KLF8: variants seen among roughly 807,000 people sequenced by gnomAD.
The protein encoded by KLF8 is KLF transcription factor 8, also known as Krueppel-like factor 8.
In KLF8, 10 loss-of-function variants were observed where a neutral mutation model predicts 18.2. The ratio of observed to expected loss-of-function variants is 0.55; its 90% CI spans 0.34 to 0.93. The LOEUF (loss-of-function observed/expected upper bound fraction) is 0.93. Ranked by LOEUF, KLF8 falls within the 40% of genes least tolerant of loss-of-function variation. The pLI is 0.02. For missense variants in KLF8, 264 were observed against 277.9 expected, an observed-to-expected ratio of 0.95 and a Z score of 0.36; for synonymous variants, 109 against 97.3, an observed-to-expected ratio of 1.12 and a Z score of -0.71.
At chrX:56,161,127 T>A in the KLF8 span, among the ~76,000 whole-genome samples, 1 of 111,628 alleles carries the variant, frequency 9.0e-6, no homozygotes, top group African/African-American at 3.3e-5. Context: ...TGTAAAGTAT[T>A]TTATGTCTCC....
the KLF8 span, among the ~76,000 whole-genome samples, chrX:55,926,276 G>A: frequency 3.6e-5 from 4 of 111,505 alleles, no homozygotes; most frequent in Non-Finnish European, 5.7e-5. Context: ...GAGGAAAGCC[G>A]TAGGCACTAG....
the KLF8 span, among the ~76,000 whole-genome samples, chrX:56,208,354 A>T: frequency 9.0e-6 from 1 of 110,918 alleles, no homozygotes; most frequent in Non-Finnish European, 1.9e-5. Flanking sequence ...GATTTTATTT[A>T]TTTGGGTCTT....
At chrX:56,185,398 T>C in the KLF8 span, among the ~76,000 whole-genome samples, 222 of 112,154 alleles carry the variant, frequency 2.0e-3, 2 homozygotes, top group Middle Eastern at 4.6e-3. Context: ...CTACATCTGA[T>C]TGGTGTACCT....
At chrX:56,058,279 C>CATATATATATAT in the KLF8 span, among the ~76,000 whole-genome samples, 5 of 7,300 alleles carry the variant, frequency 6.8e-4, no homozygotes, top group Non-Finnish European at 1.1e-3. Flanking sequence ...CATATATATA[C>CATATATATATAT]ATATATATAT....
At chrX:55,926,799 G>A in the KLF8 span, among the ~76,000 whole-genome samples, 57,837 of 109,294 alleles carry the variant, frequency 0.53, 13,546 homozygotes, top group East Asian at 0.75. Flanking sequence ...TAACTCAAGG[G>A]CTAAAGAGAC....
chrX:56,068,154 C>T, the KLF8 span, among the ~76,000 whole-genome samples: 20 of 112,132 alleles, frequency 1.8e-4, no homozygotes, highest in Non-Finnish European at 3.0e-4. Flanking sequence ...CCACTGATAG[C>T]CAGAATGTCA....
the KLF8 span, among the ~76,000 whole-genome samples, chrX:56,028,567 T>G: frequency 2.7e-5 from 3 of 110,863 alleles, no homozygotes; most frequent in East Asian, 8.5e-4. Context: ...TGCTGTGGAG[T>G]GTCCTAGCAG....
chrX:56,052,246 T>C, the KLF8 span, among the ~76,000 whole-genome samples: 1 of 112,022 alleles, frequency 8.9e-6, no homozygotes, highest in Non-Finnish European at 1.9e-5. Context: ...AATTTGATCG[T>C]CTGAAGCCTT....
the KLF8 span, among the ~76,000 whole-genome samples, chrX:56,223,718 TA>T: frequency 1.8e-5 from 2 of 112,234 alleles, no homozygotes; most frequent in African/African-American, 6.5e-5. Flanking sequence ...TTATTATTAC[TA>T]AGCCAAATTT....
the KLF8 span, among the ~76,000 whole-genome samples, chrX:55,987,441 A>G: frequency 9.0e-6 from 1 of 110,759 alleles, no homozygotes; most frequent in African/African-American, 3.3e-5. Context: ...ATGAGGGAGA[A>G]CATGTGGTGT....
the KLF8 span, among the ~76,000 whole-genome samples, chrX:56,217,328 C>T: frequency 8.9e-6 from 1 of 111,808 alleles, no homozygotes; most frequent in Non-Finnish European, 1.9e-5. Context: ...AAATTAGAGG[C>T]TGATTGCTTC....
chrX:56,062,264 T>A, the KLF8 span, among the ~76,000 whole-genome samples: 1 of 111,285 alleles, frequency 9.0e-6, no homozygotes, highest in South Asian at 3.7e-4. Context: ...GTGTCAATGG[T>A]CTTTACAATT....
the KLF8 span, among the ~76,000 whole-genome samples, chrX:55,909,721 G>A: frequency 8.9e-6 from 1 of 112,499 alleles, no homozygotes; most frequent in African/African-American, 3.2e-5. Context: ...ATTCCAGCTA[G>A]AAGAAATAGG....
At chrX:56,037,925 T>C in the KLF8 span, among the ~76,000 whole-genome samples, 1 of 111,975 alleles carries the variant, frequency 8.9e-6, no homozygotes, top group South Asian at 3.7e-4. Flanking sequence ...TTATTTCTTC[T>C]AAATATTTTT....
the KLF8 span, among the ~76,000 whole-genome samples, chrX:55,928,501 T>C: frequency 9.0e-6 from 1 of 111,632 alleles, no homozygotes; most frequent in Non-Finnish European, 1.9e-5. Context: ...CTCCTACTGC[T>C]ATCCCTCCCC....
the KLF8 span, among the ~76,000 whole-genome samples, chrX:56,045,935 G>A: frequency 9.0e-6 from 1 of 111,533 alleles, no homozygotes; most frequent in African/African-American, 3.3e-5. Context: ...GTTCTCAGGG[G>A]GAATGCTTTC....
At chrX:56,208,448 T>C in the KLF8 span, among the ~76,000 whole-genome samples, 1 of 112,237 alleles carries the variant, frequency 8.9e-6, no homozygotes, top group Non-Finnish European at 1.9e-5. Flanking sequence ...CACTGCTTTT[T>C]TATGCTTTAA....
At chrX:56,011,714 C>T in the KLF8 span, among the ~76,000 whole-genome samples, 1 of 110,387 alleles carries the variant, frequency 9.1e-6, no homozygotes. Flanking sequence ...ACTAGTTAGA[C>T]TAATAAAGAA....
the KLF8 span, among the ~76,000 whole-genome samples, chrX:56,024,562 G>A: frequency 1.4e-4 from 16 of 111,256 alleles, no homozygotes; most frequent in Admixed American, 4.8e-4. Flanking sequence ...CTCAAAATCC[G>A]AGATCCCTGA....
Sources: allele counts gnomAD v4.1 joint callset (sites outside exome capture counted in the v4.1 genomes callset), GRCh38; gene constraint gnomAD v4.1.1; transcripts MANE v1.5; gene names NCBI Gene and HGNC (gene_info 2026-07-23, HGNC 2026-07-21).